The following UHRF2 variants were observed in gnomAD, a reference collection of about 807,000 sequenced individuals.
UHRF2 encodes E3 ubiquitin-protein ligase UHRF2.
A neutral mutation model predicts 96.8 loss-of-function variants in UHRF2; 23 were observed. The observed-to-expected ratio is 0.24, with a 90% CI of 0.17 to 0.34. The LOEUF (loss-of-function observed/expected upper bound fraction) is 0.34. Among genes scored for constraint, UHRF2 ranks in the 10% least tolerant of loss-of-function variants. UHRF2 has a pLI of 1.00. For synonymous variants in UHRF2, 385 were observed against 332.6 expected, an observed-to-expected ratio of 1.16 and a Z score of -1.72; for missense variants, 685 against 981.5, an observed-to-expected ratio of 0.70 and a Z score of 4.04.
intron 4 of UHRF2, among the ~76,000 whole-genome samples, chr9:6,466,555 A>G (rs78470673): frequency 7.7e-6 from 1 of 129,446 alleles, no homozygotes; most frequent in South Asian, 2.2e-4. Flanking sequence ...AAAAAGGAAA[A>G]AAAAAAAAAA....
intron 2 of UHRF2, among the ~76,000 whole-genome samples, chr9:6,428,733 G>A (rs1820403888): frequency 6.6e-6 from 1 of 151,870 alleles, no homozygotes; most frequent in South Asian, 2.1e-4. Context: ...ATTTTTCGTA[G>A]AGACAGAGTT....
intron 6 of UHRF2, among the ~76,000 whole-genome samples, chr9:6,480,503 C>G (rs1392809700): frequency 6.6e-6 from 1 of 152,198 alleles, no homozygotes; most frequent in African/African-American, 2.4e-5. Context: ...TGGAATATAT[C>G]TCTACATTCG....
intron 14 of UHRF2, 138 bp from the exon 15 acceptor site, chr9:6,504,454 TC>T: frequency 1.8e-6 from 1 of 566,068 alleles, no homozygotes; most frequent in Non-Finnish European, 3.1e-6. Flanking sequence ...ATTGGAATGT[TC>T]ATCACTATAA....
At chr9:6,459,933 A>G (rs958156969) in intron 3 of UHRF2, among the ~76,000 whole-genome samples, 1 of 152,218 alleles carries the variant, frequency 6.6e-6, no homozygotes, top group Admixed American at 6.5e-5. Context: ...TTATCGTGTC[A>G]CTGTACTGCA....
At chr9:6,450,457 G>T (rs1337005015) in intron 3 of UHRF2, among the ~76,000 whole-genome samples, 1 of 152,080 alleles carries the variant, frequency 6.6e-6, no homozygotes, top group Non-Finnish European at 1.5e-5. Context: ...AGTTTAATTT[G>T]ATTTAAACTC....
chr9:6,458,194 T>C (rs1443378213), intron 3 of UHRF2, among the ~76,000 whole-genome samples: 1 of 152,204 alleles, frequency 6.6e-6, no homozygotes, highest in Admixed American at 6.5e-5. Flanking sequence ...TTGTTATTGG[T>C]CTATTTAGGG....
chr9:6,502,251 A>G (rs1816329510), intron 14 of UHRF2, among the ~76,000 whole-genome samples: 3 of 152,190 alleles, frequency 2.0e-5, no homozygotes, highest in African/African-American at 7.2e-5. Flanking sequence ...TCTTGTGCCC[A>G]GATTGCTTGA....
chr9:6,498,273 G>A (rs754727035), intron 12 of UHRF2, 115 bp downstream of exon 12: 2 of 1,155,398 alleles, frequency 1.7e-6, no homozygotes, highest in Non-Finnish European at 2.4e-6. Context: ...ACTATAAGGG[G>A]TGAGGAATAA....
At chr9:6,494,029 C>T in intron 10 of UHRF2, 97 bp downstream of exon 10, 1 of 1,045,124 alleles carries the variant, frequency 9.6e-7, no homozygotes, top group Non-Finnish European at 1.4e-6. Flanking sequence ...GAATTTCAAA[C>T]TGGGAGTTAA....
intron 2 of UHRF2, among the ~76,000 whole-genome samples, chr9:6,433,189 C>T (rs180680509): frequency 5.3e-4 from 80 of 152,292 alleles, no homozygotes; most frequent in South Asian, 5.0e-3. Context: ...CCTTTCATTT[C>T]ATAACTCTTA....
At chr9:6,421,468 A>G (rs1371034986) in intron 2 of UHRF2, among the ~76,000 whole-genome samples, 1 of 152,196 alleles carries the variant, frequency 6.6e-6, no homozygotes, top group African/African-American at 2.4e-5. Context: ...GCTGGAGTGC[A>G]GTGGCGCACG....
At chr9:6,422,138 C>T (rs1490230701) in intron 2 of UHRF2, among the ~76,000 whole-genome samples, 2 of 152,184 alleles carry the variant, frequency 1.3e-5, no homozygotes, top group Admixed American at 6.5e-5. Flanking sequence ...AGGGTACTGC[C>T]AAACTACTAT....
intron 3 of UHRF2, among the ~76,000 whole-genome samples, chr9:6,443,648 T>G (rs1427537892): frequency 6.6e-6 from 1 of 152,188 alleles, no homozygotes; most frequent in Non-Finnish European, 1.5e-5. Context: ...CATAAACACC[T>G]GTATGTACTT....
intron 3 of UHRF2, among the ~76,000 whole-genome samples, chr9:6,434,860 C>G (rs1046126525): frequency 1.3e-5 from 2 of 151,892 alleles, no homozygotes; most frequent in Non-Finnish European, 2.9e-5. Flanking sequence ...GGACCGGGTC[C>G]CACTTTGTTG....
chr9:6,446,857 A>C (rs766113300), intron 3 of UHRF2, among the ~76,000 whole-genome samples: 3 of 151,508 alleles, frequency 2.0e-5, no homozygotes, highest in Non-Finnish European at 4.4e-5. Context: ...AAAATAAATA[A>C]ACAAACAAAT....
intron 3 of UHRF2, among the ~76,000 whole-genome samples, chr9:6,446,115 C>G (rs952913032): frequency 6.6e-6 from 1 of 151,132 alleles, no homozygotes; most frequent in African/African-American, 2.4e-5. Context: ...GCCTTAGCCT[C>G]CTAAGTAACT....
At chr9:6,441,357 C>G (rs191914500) in intron 3 of UHRF2, among the ~76,000 whole-genome samples, 1 of 150,056 alleles carries the variant, frequency 6.7e-6, no homozygotes. Context: ...TTGGGTGACA[C>G]GGTGAAAACC....
At chr9:6,456,471 G>C (rs1388355059) in intron 3 of UHRF2, among the ~76,000 whole-genome samples, 1 of 151,918 alleles carries the variant, frequency 6.6e-6, no homozygotes, top group Non-Finnish European at 1.5e-5. Flanking sequence ...ATGTTCTCTC[G>C]TTCTGTAGGT....
intron 10 of UHRF2, chr9:6,495,122 T>C (rs1408213871): frequency 6.6e-6 from 1 of 152,230 alleles, no homozygotes; most frequent in Non-Finnish European, 1.5e-5. Context: ...AAAATTATTT[T>C]TCCCTTTAAT....
Sources: allele counts gnomAD v4.1 joint callset (sites outside exome capture counted in the v4.1 genomes callset), GRCh38; gene constraint gnomAD v4.1.1; transcripts MANE v1.5; gene names NCBI Gene and HGNC (gene_info 2026-07-23, HGNC 2026-07-21).